The following TRIP13 variants were observed in gnomAD, a reference collection of about 807,000 sequenced individuals.
The protein encoded by TRIP13 is thyroid hormone receptor interactor 13, also known as pachytene checkpoint protein 2 homolog.
In TRIP13, 25 loss-of-function variants were observed where a neutral mutation model predicts 54.4. The observed-to-expected ratio is 0.46, with a 90% CI of 0.33 to 0.64. The LOEUF is 0.64. Among genes scored for constraint, TRIP13 ranks in the 30% least tolerant of loss-of-function variants. The pLI is 0.02. For missense variants in TRIP13, 373 were observed against 534.2 expected, an observed-to-expected ratio of 0.70 and a Z score of 2.97; for synonymous variants, 207 against 207.8, an observed-to-expected ratio of 1.00 and a Z score of 0.03.
At position 896,787 on chromosome 5, in the gene TRIP13, A is replaced by C. The variant is rs1200123591; in HGVS notation, c.381A>C (p.Leu127=). The change falls in exon 3 of 13, where the codon CTA becomes CTC. Residue 127 remains leucine (L), a synonymous_variant. Transcript: ENST00000166345. Reference sequence around the variant, plus strand: ...TAATTGCAGCAAATCACTGGGTTCTACCTGCAGGTATGGGGTGTGATGGGA... The same window carrying C: ...TAATTGCAGCAAATCACTGGGTTCTCCCTGCAGGTATGGGGTGTGATGGGA... ...ENIIAANHWV[L]PAAEFHGLWD... is the part of the protein sequence containing the mutation. 1.9e-6 allele frequency: 3 copies of C among 1,612,306 alleles called. No homozygotes were observed. Among genetic ancestry groups the C allele is most frequent in the Non-Finnish European group, 2.5e-6 (3 of 1,179,054 alleles).
rs955839233 is a variant in TRIP13 at position 912,542 on chromosome 5, C to T, written c.1020+546C>T. ...GGCCGTCGCCACGGGCAGAGCGACG[C>T]GTGCGGGGAGCGTGTGTGAGTCAGG... is the stretch of plus-strand genomic sequence containing the variant. On this transcript the variant is annotated intron_variant, in intron 10 of 12. Coordinates refer to ENST00000166345, the MANE Select transcript of TRIP13 (RefSeq NM_004237.4). The surrounding 1 kb of genome is among the most constrained non-coding windows in gnomAD (Gnocchi z 7.2). Among the ~76,000 whole-genome samples, 1 of 148,856 alleles carries T rather than the reference C, an allele frequency of 6.7e-6. No homozygotes were observed. Among genetic ancestry groups the T allele is most frequent in the Non-Finnish European group, 1.5e-5 (1 of 67,270 alleles).
At position 907,619 on chromosome 5, in the gene TRIP13, C is replaced by T. The variant is rs568340547; in HGVS notation, c.673-369C>T. Reference sequence around the variant, plus strand: ...TGGTGAGGTGAGGTGGGACCAGGCACGCTGGGCACAGGAGAGCCTGTGAGG... The same window carrying T: ...TGGTGAGGTGAGGTGGGACCAGGCATGCTGGGCACAGGAGAGCCTGTGAGG... On this transcript the variant is annotated intron_variant, in intron 7 of 12. Transcript: ENST00000166345. The surrounding 1 kb of genome is among the most constrained non-coding windows in gnomAD (Gnocchi z 4.1). Among the ~76,000 whole-genome samples the T allele has an allele frequency of 2.6e-5, 4 of 152,310 alleles. No individual in the cohort carries two copies. The highest frequency in any genetic ancestry group is 7.2e-5 in the African/African-American group (3 of 41,570).
In TRIP13 at chr5:907,060, C is replaced by T. The variant is rs917235683; in HGVS notation, c.609-70C>T. On this transcript the variant is annotated intron_variant, in intron 6 of 12. Transcript: ENST00000166345. This position sits in a 1 kb window ranked among gnomAD's most constrained non-coding sequence, Gnocchi z 4.1. ...CACTTGAGATGTTGCATTCAGGACG[C>T]GTGAATGGCTGCCGCTGAGGATCCA... 4 of 1,348,168 alleles carry T rather than the reference C, an allele frequency of 3.0e-6. No individual in the cohort carries two copies. Among genetic ancestry groups the T allele is most frequent in the South Asian group, 1.2e-5 (1 of 84,372 alleles). The allele number at this position is 1,348,168 out of a possible 1,614,324, so 83.5% of individuals were successfully genotyped here.
chr5:916,453 A>G (rs1025822338), intron 12 of TRIP13, among the ~76,000 whole-genome samples: 3 of 152,210 alleles, frequency 2.0e-5, no homozygotes, highest in African/African-American at 7.2e-5. Context: ...AGATACACTT[A>G]CATCTGAGAA....
downstream of TRIP13, among the ~76,000 whole-genome samples, chr5:918,470 C>T (rs183436415): frequency 2.0e-5 from 3 of 152,264 alleles, no homozygotes; most frequent in East Asian, 1.9e-4. The surrounding 1 kb of genome is among the most constrained non-coding windows in gnomAD (Gnocchi z 4.3). Flanking sequence ...CAGTGGCTTG[C>T]GGCCCTTGTA....
Position 911,798 on chromosome 5 carries a change from C to A in TRIP13, c.867-45C>A. ...GATAGGGCAGGATAGAATTGGGTCA[C>A]CGACAGCCGTGATGACTGTGGTGCT... On this transcript the variant is annotated intron_variant, in intron 9 of 12. Transcript: ENST00000166345. The surrounding 1 kb of genome is among the most constrained non-coding windows in gnomAD (Gnocchi z 4.7). The A allele has an allele frequency of 6.3e-7, 1 of 1,578,048 alleles. No individual in the cohort carries two copies. The highest frequency in any genetic ancestry group is 8.6e-7 in the Non-Finnish European group (1 of 1,161,460).
At chr5:903,820 A>G (rs1294723997) in intron 5 of TRIP13, among the ~76,000 whole-genome samples, 1 of 152,172 alleles carries the variant, frequency 6.6e-6, no homozygotes, top group Admixed American at 6.5e-5. Context: ...GGTGTCAGCA[A>G]AGATGTAGGC....
intron 9 of TRIP13, chr5:909,040 G>A (rs1020355542): frequency 2.5e-5 from 4 of 157,496 alleles, no homozygotes; most frequent in Non-Finnish European, 4.2e-5. Context: ...GAACTGCTAC[G>A]TTCAGGCCTT....
rs533804271 is a variant in TRIP13, at chr5:909,592, GAC to G, written c.866+1145_866+1146del. 3.3e-5 allele frequency among the ~76,000 whole-genome samples: 5 copies of G among 152,080 alleles called. No individual in the cohort carries two copies. The East Asian group carries it at 5.8e-4, about 18-fold the overall frequency. ...ACCCAGCGGCGCTAGAGGAATTAAA[GAC>G]ACACACACACACAAATATAGAGGTG... On this transcript the variant is annotated intron_variant, in intron 9 of 12. Coordinates refer to ENST00000166345, the MANE Select transcript of TRIP13 (RefSeq NM_004237.4).
intron 6 of TRIP13, among the ~76,000 whole-genome samples, chr5:904,746 C>T (rs571179432): frequency 6.6e-6 from 1 of 152,168 alleles, no homozygotes; most frequent in East Asian, 1.9e-4. Flanking sequence ...TTTAAGTTGA[C>T]TGATTTTCTA....
chr5:917,145 A>ACAACCAGTAAGTGAGGTTGCCC lies in TRIP13; in HGVS notation c.*45_*66dup. On this transcript the variant is annotated 3_prime_UTR_variant, in exon 13 of 13. Coordinates refer to ENST00000166345, the MANE Select transcript of TRIP13 (RefSeq NM_004237.4). Reference sequence around the variant, plus strand: ...CTGGTGCTTTTCCCATGGAGAACACACAACCAGTAAGTGAGGTTGCCCCAC... The same window carrying ACAACCAGTAAGTGAGGTTGCCC: ...CTGGTGCTTTTCCCATGGAGAACACACAACCAGTAAGTGAGGTTGCCCCAACCAGTAAGTGAGGTTGCCCCAC... 6.2e-7 allele frequency: 1 copy of ACAACCAGTAAGTGAGGTTGCCC among 1,601,720 alleles called. No individual in the cohort carries two copies. The highest frequency in any genetic ancestry group is 8.5e-7 in the Non-Finnish European group (1 of 1,170,684).
intron 1 of TRIP13, among the ~76,000 whole-genome samples, chr5:893,466 C>A (rs908673184): frequency 6.6e-6 from 1 of 152,258 alleles, no homozygotes. Flanking sequence ...TTACAGAGAG[C>A]TCTAGTCTCA....
At position 915,149 on chromosome 5, in the gene TRIP13, A is replaced by G. The variant is rs1754318426; in HGVS notation, c.1133+572A>G. On this transcript the variant is annotated intron_variant, in intron 11 of 12. Coordinates refer to ENST00000166345, the MANE Select transcript of TRIP13 (RefSeq NM_004237.4). The surrounding 1 kb of genome is among the most constrained non-coding windows in gnomAD (Gnocchi z 4.2). ...GAATGTGGAAGGCTTTAAACAAGGG[A>G]TAACATGAAGAATGTAGTATTTTTT... Among the ~76,000 whole-genome samples, 1 of 152,234 alleles carries G rather than the reference A, an allele frequency of 6.6e-6. No homozygotes were observed. Among genetic ancestry groups the G allele is most frequent in the African/African-American group, 2.4e-5 (1 of 41,454 alleles).
intron 6 of TRIP13, among the ~76,000 whole-genome samples, chr5:905,759 C>A (rs1027282943): frequency 1.3e-5 from 2 of 152,206 alleles, no homozygotes; most frequent in Non-Finnish European, 2.9e-5. Flanking sequence ...GTATGACTAG[C>A]GGAAATCCTG....
At chr5:900,612 C>T (rs927070672) in intron 4 of TRIP13, 63 bp downstream of exon 4, 2 of 1,570,172 alleles carry the variant, frequency 1.3e-6, no homozygotes, top group African/African-American at 2.7e-5. Flanking sequence ...TACTGTTTTG[C>T]TCTCCAACAC....
At chr5:909,554 C>G (rs1192052642) in intron 9 of TRIP13, among the ~76,000 whole-genome samples, 1 of 152,052 alleles carries the variant, frequency 6.6e-6, no homozygotes, top group Non-Finnish European at 1.5e-5. Context: ...CCAGCTCGGT[C>G]GGGGAGACCC....
intron 6 of TRIP13, 88 bp downstream of exon 6, chr5:904,308 G>A (rs543273754): frequency 1.5e-5 from 16 of 1,083,612 alleles, no homozygotes; most frequent in South Asian, 1.4e-4. Context: ...ATCATTTTAC[G>A]CAAATAATAG....
chr5:903,468 T>TAG (rs1754040486), intron 5 of TRIP13, among the ~76,000 whole-genome samples: 1 of 152,326 alleles, frequency 6.6e-6, no homozygotes, highest in African/African-American at 2.4e-5. Flanking sequence ...TATATAATCA[T>TAG]ATCTAAGATC....
chr5:913,363 T>C lies in TRIP13; in HGVS notation c.1021-1102T>C, dbSNP rs780826431. ...TAGGACAGGGGTAGTTTTTTGTTTG[T>C]TTGTTTATTTTGAGACACAGTCTCA... On this transcript the variant is annotated intron_variant, in intron 10 of 12. Transcript: ENST00000166345. This position sits in a 1 kb window ranked among gnomAD's most constrained non-coding sequence, Gnocchi z 4.5. Among the ~76,000 whole-genome samples the C allele has an allele frequency of 1.2e-4, 19 of 152,224 alleles. No homozygotes were observed. Among genetic ancestry groups the C allele is most frequent in the Middle Eastern group, 3.4e-3 (1 of 294 alleles).
Sources: gnomAD v4.1 joint callset for allele counts (sites outside exome capture counted in the v4.1 genomes callset) on GRCh38, gnomAD v4.1.1 for gene constraint, Gnocchi (gnomAD v3.1) non-coding constraint, MANE v1.5 for transcripts, NCBI Gene and HGNC (gene_info 2026-07-23, HGNC 2026-07-21) for gene names.